CSMD2: variants seen among roughly 807,000 people sequenced by gnomAD.
The protein encoded by CSMD2 is CUB and Sushi multiple domains 2.
A neutral mutation model predicts 398.5 loss-of-function variants in CSMD2; 130 were observed. The observed-to-expected ratio is 0.33, with a 90% CI of 0.28 to 0.38. CSMD2 has a LOEUF of 0.38. Ranked by LOEUF, CSMD2 falls within the 10% of genes least tolerant of loss-of-function variation. The pLI, the probability that CSMD2 is intolerant of heterozygous loss-of-function variation, is 1.00. For synonymous variants in CSMD2, 1,828 were observed against 1,908.5 expected (o/e 0.96, Z 1.10); for missense variants, 3,829 against 4,764.9 (o/e 0.80, Z 5.78).
At chr1:33,917,507 C>G (rs12081842) in intron 5 of CSMD2, among the ~76,000 whole-genome samples, 16,412 of 152,226 alleles carry the variant, frequency 0.11, 989 homozygotes, top group East Asian at 0.15. Flanking sequence ...TAACTCATAT[C>G]CTCCCTAACC....
intron 53 of CSMD2, among the ~76,000 whole-genome samples, chr1:33,564,204 G>A (rs1419604934): frequency 1.3e-5 from 2 of 152,198 alleles, no homozygotes; most frequent in Non-Finnish European, 2.9e-5. Context: ...TAGTCTTTGA[G>A]GTGCCTGCTT....
intron 1 of CSMD2, among the ~76,000 whole-genome samples, chr1:34,092,672 C>G (rs1387385555): frequency 6.6e-6 from 1 of 152,214 alleles, no homozygotes; most frequent in Non-Finnish European, 1.5e-5. Context: ...AATCGGGTCA[C>G]TCCCACCCGA....
At chr1:34,055,325 G>T (rs1023629151) in intron 2 of CSMD2, among the ~76,000 whole-genome samples, 18 of 152,190 alleles carry the variant, frequency 1.2e-4, no homozygotes, top group African/African-American at 4.3e-4. Flanking sequence ...TTCTGCAGTG[G>T]ATGCAGGCTG....
chr1:33,985,058 C>G (rs1335249667), intron 3 of CSMD2, among the ~76,000 whole-genome samples: 2 of 152,188 alleles, frequency 1.3e-5, no homozygotes, highest in Admixed American at 6.5e-5. Context: ...GTTCCCATTG[C>G]TATCGTACAT....
At chr1:33,699,022 A>G (rs1645518021) in intron 23 of CSMD2, 78 bp from the exon 24 acceptor site, 2 of 1,303,124 alleles carry the variant, frequency 1.5e-6, no homozygotes, top group Non-Finnish European at 2.1e-6. Flanking sequence ...CTCAAAGCCC[A>G]CGTCCTCAAG....
intron 3 of CSMD2, among the ~76,000 whole-genome samples, chr1:34,022,016 G>A (rs1165075117): frequency 6.6e-6 from 1 of 152,056 alleles, no homozygotes; most frequent in Non-Finnish European, 1.5e-5. Context: ...TGGATCTTAC[G>A]ACTGGGGGCA....
At position 34,010,075 on chromosome 1, in the gene CSMD2, A is replaced by T. The variant is rs551863090; in HGVS notation, c.517+22519T>A. On this transcript the variant is annotated intron_variant, in intron 3 of 70. Coordinates refer to ENST00000373381, the MANE Select transcript of CSMD2 (RefSeq NM_001281956.2). Reference sequence around the variant, plus strand: ...CCATTGTCTACAGGACAATGTTCAGATCCTTAATATTCATACAGGTCTGTC... The same window carrying T: ...CCATTGTCTACAGGACAATGTTCAGTTCCTTAATATTCATACAGGTCTGTC... Among the ~76,000 whole-genome samples the T allele has an allele frequency of 2.6e-5, 4 of 152,230 alleles. No individual in the cohort carries two copies. In the South Asian group the frequency reaches 8.3e-4, roughly 32 times the overall value.
At chr1:33,521,634 C>G (rs71647937) in intron 67 of CSMD2, 84 bp from the exon 68 acceptor site, 34,559 of 891,190 alleles carry the variant, frequency 0.039, 922 homozygotes, top group Non-Finnish European at 0.055. Flanking sequence ...CGCTGCCCAG[C>G]AGGTCACCCA....
chr1:33,613,131 C>T (rs575180223), intron 40 of CSMD2, among the ~76,000 whole-genome samples: 18 of 152,300 alleles, frequency 1.2e-4, no homozygotes, highest in Non-Finnish European at 2.4e-4. Context: ...AGTTAGGGAC[C>T]TCGGCAGAAT....
chr1:34,164,380 T>C lies in CSMD2; in HGVS notation c.187+531A>G, dbSNP rs899547446. On this transcript the variant is annotated intron_variant, in intron 1 of 70. Coordinates refer to ENST00000373381, the MANE Select transcript of CSMD2 (RefSeq NM_001281956.2). The surrounding 1 kb of genome is among the most constrained non-coding windows in gnomAD (Gnocchi z 6.2). ...GGGGGATGGCGGCCGCAGTCTGCAG[T>C]CGGTTCCAGAGGGGGCACCGGTTTC... 2.0e-5 allele frequency among the ~76,000 whole-genome samples: 3 copies of C among 151,804 alleles called. No individual in the cohort carries two copies. The highest frequency in any genetic ancestry group is 4.8e-5 in the African/African-American group (2 of 41,354).
At position 33,635,743 on chromosome 1, in the gene CSMD2, G is replaced by A. The variant is rs1021636544; in HGVS notation, c.4970-413C>T. Among the ~76,000 whole-genome samples the A allele has an allele frequency of 3.3e-5, 5 of 152,090 alleles. No homozygotes were observed. The highest frequency in any genetic ancestry group is 5.9e-5 in the Non-Finnish European group (4 of 67,988). On this transcript the variant is annotated intron_variant, in intron 30 of 70. Transcript: ENST00000373381. The surrounding 1 kb of genome is among the most constrained non-coding windows in gnomAD (Gnocchi z 5.0). Reference sequence around the variant, plus strand: ...GTGAATAGGGAGCTGAAGCTTCCCCGGACTAACCCCATGGGGAGTGGCCAG... The same window carrying A: ...GTGAATAGGGAGCTGAAGCTTCCCCAGACTAACCCCATGGGGAGTGGCCAG...
At chr1:33,545,653 G>A (rs1401616223) in intron 57 of CSMD2, among the ~76,000 whole-genome samples, 1 of 152,132 alleles carries the variant, frequency 6.6e-6, no homozygotes, top group African/African-American at 2.4e-5. Flanking sequence ...GGGTGACCAG[G>A]TTTCAACATA....
chr1:33,873,296 A>G (rs928406024), intron 5 of CSMD2, among the ~76,000 whole-genome samples: 1 of 152,196 alleles, frequency 6.6e-6, no homozygotes, highest in African/African-American at 2.4e-5. Flanking sequence ...GACAAGAATC[A>G]TTGGAGAGCC....
chr1:33,666,096 A>G (rs1380782358), intron 25 of CSMD2, among the ~76,000 whole-genome samples: 2 of 152,160 alleles, frequency 1.3e-5, no homozygotes, highest in African/African-American at 4.8e-5. Flanking sequence ...AAGTCCAGTG[A>G]TCTCTCCTTT....
intron 3 of CSMD2, among the ~76,000 whole-genome samples, chr1:33,947,831 C>T (rs1644885294): frequency 6.6e-6 from 1 of 152,330 alleles, no homozygotes. Context: ...ACACTTAATC[C>T]TTTCTCATTT....
intron 1 of CSMD2, among the ~76,000 whole-genome samples, chr1:34,140,420 C>T (rs941905734): frequency 1.3e-5 from 2 of 152,008 alleles, no homozygotes; most frequent in African/African-American, 4.8e-5. Context: ...CACTTGCAAG[C>T]AAGGCCTGGC....
intron 60 of CSMD2, among the ~76,000 whole-genome samples, chr1:33,539,643 A>G (rs983278480): frequency 2.0e-5 from 3 of 152,218 alleles, no homozygotes; most frequent in African/African-American, 7.2e-5. Context: ...GATGACTTTT[A>G]CTTTCTTTTT....
At chr1:33,831,459 G>A (rs1397231288) in intron 6 of CSMD2, among the ~76,000 whole-genome samples, 2 of 152,194 alleles carry the variant, frequency 1.3e-5, no homozygotes, top group Non-Finnish European at 1.5e-5. Flanking sequence ...ACAAGCAAAT[G>A]CTGAGAGATT....
chr1:33,954,559 T>G (rs1209983927), intron 3 of CSMD2, among the ~76,000 whole-genome samples: 1 of 152,100 alleles, frequency 6.6e-6, no homozygotes, highest in East Asian at 1.9e-4. Flanking sequence ...GCAACTCCAG[T>G]GTCCATGATG....
Sources: allele counts gnomAD v4.1 joint callset (sites outside exome capture counted in the v4.1 genomes callset), GRCh38; gene constraint gnomAD v4.1.1; non-coding constraint Gnocchi (gnomAD v3.1); transcripts MANE v1.5; gene names NCBI Gene and HGNC (gene_info 2026-07-23, HGNC 2026-07-21).